The following SPTBN2 variants were observed in gnomAD, a reference collection of about 807,000 sequenced individuals.
SPTBN2 encodes spectrin beta, non-erythrocytic 2, also known as spectrin beta chain, non-erythrocytic 2.
SPTBN2 carries 107 observed loss-of-function variants against 284.2 expected under a neutral mutation model. The observed-to-expected ratio is 0.38, with a 90% confidence interval of 0.32 to 0.44. The LOEUF is 0.44. Among genes scored for constraint, SPTBN2 ranks in the 20% least tolerant of loss-of-function variants. The pLI, the probability that SPTBN2 is intolerant of heterozygous loss-of-function variation, is 1.00. For missense variants in SPTBN2, 2,569 were observed against 3,287.1 expected, an observed-to-expected ratio of 0.78 and a Z score of 5.34; for synonymous variants, 1,289 against 1,354.8, an observed-to-expected ratio of 0.95 and a Z score of 1.07.
chr11:66,688,148 C>T (rs748004113), intron 32 of SPTBN2, 21 bp downstream of exon 32: 2 of 1,613,478 alleles, frequency 1.2e-6, no homozygotes, highest in Non-Finnish European at 1.7e-6. Context: ...CCTCCTCCTA[C>T]CCAGGCATCC....
At chr11:66,705,920 G>T in intron 13 of SPTBN2, 83 bp from the exon 14 acceptor site, 1 of 1,539,966 alleles carries the variant, frequency 6.5e-7, no homozygotes, top group Non-Finnish European at 8.7e-7. Flanking sequence ...ACTTCTCCAC[G>T]GCCCCAGGTG....
At chr11:66,703,639 A>C (rs1941364986) in intron 15 of SPTBN2, among the ~76,000 whole-genome samples, 1 of 151,872 alleles carries the variant, frequency 6.6e-6, no homozygotes, top group Admixed American at 6.5e-5. Flanking sequence ...TGGGAGGCTG[A>C]GGCAGGAGAA....
At position 66,700,250 on chromosome 11, in the gene SPTBN2, T is replaced by C. The variant is rs1436483237; in HGVS notation, c.3573+276A>G. On this transcript the variant is annotated intron_variant, in intron 17 of 37. Transcript: ENST00000533211. The surrounding 1 kb of genome is among the most constrained non-coding windows in gnomAD (Gnocchi z 6.6). ...GAGTACAAGTGTGAGCCATCCTGTC[T>C]GGCTCCCATTTTTCTTTTTAAAAAA... Among the ~76,000 whole-genome samples, 1 of 152,144 alleles carries C rather than the reference T, an allele frequency of 6.6e-6. No homozygotes were observed. The highest frequency in any genetic ancestry group is 1.5e-5 in the Non-Finnish European group (1 of 68,028).
At chr11:66,690,326 A>C in intron 27 of SPTBN2, 43 bp from the exon 28 acceptor site, 1 of 1,535,808 alleles carries the variant, frequency 6.5e-7, no homozygotes, top group Non-Finnish European at 8.7e-7. Flanking sequence ...GGGGGACTCC[A>C]AGGAGCCGCA....
chr11:66,715,501 G>T lies in SPTBN2; in HGVS notation c.310-106C>A. On this transcript the variant is annotated intron_variant, in intron 4 of 37. Transcript: ENST00000533211. This position sits in a 1 kb window ranked among gnomAD's most constrained non-coding sequence, Gnocchi z 5.3. ...ACACCTTCCCCATGACCTACCTCAG[G>T]AACACAGACAGGCACAGCCCCAGGG... is the stretch of plus-strand genomic sequence containing the variant. 1 of 1,430,678 alleles carries T rather than the reference G, an allele frequency of 7.0e-7. No individual in the cohort carries two copies. The highest frequency in any genetic ancestry group is 9.4e-7 in the Non-Finnish European group (1 of 1,058,532). The allele number at this position is 1,430,678 out of a possible 1,614,324, so 88.6% of individuals were successfully genotyped here. A position where few individuals can be genotyped will look rare whatever the true frequency, so the allele number is the denominator to read the frequency against.
chr11:66,691,552 T>C lies in SPTBN2; in HGVS notation c.5297A>G (p.His1766Arg). The C allele has an allele frequency of 1.9e-6, 3 of 1,613,488 alleles. No homozygotes were observed. The highest frequency in any genetic ancestry group is 1.1e-5 in the South Asian group (1 of 91,088). The change falls in exon 27 of 38, where the codon CAT becomes CGT. Residue 1766 changes from histidine to arginine, a missense_variant. Physicochemically the swap from His to Arg is conservative, Grantham distance 29. Coordinates refer to ENST00000533211, the MANE Select transcript of SPTBN2 (RefSeq NM_006946.4). This position sits in a 1 kb window ranked among gnomAD's most constrained non-coding sequence, Gnocchi z 8.0. ...CTCGGCCACGGTGGCCCGTGCAGCA[T>C]GGCCCCCAGCAATGAGCCCATTGGC... ...ALANGLIAGGHAARATVAEWK... is the reference protein window; with the variant it reads ...ALANGLIAGGRAARATVAEWK...
chr11:66,694,249 C>A lies in SPTBN2; in HGVS notation c.4393G>T (p.Ala1465Ser). ...GAGEVERTSR[A>S]VEEKFRALCQ... is the part of the protein sequence containing the mutation. ...AAGGCCCTGAACTTCTCCTCCACGGCCCTCGAGGTTCTCTCCACCTCCCCT... is the reference window on the plus strand; with the variant it reads ...AAGGCCCTGAACTTCTCCTCCACGGACCTCGAGGTTCTCTCCACCTCCCCT... Residue 1465 changes from alanine (A) to serine (S), a missense_variant, in exon 22 of 38, where the codon GCC becomes TCC. By Grantham distance (99) the Ala-to-Ser change is moderately conservative. Transcript: ENST00000533211. The A allele has an allele frequency of 1.2e-6, 2 of 1,614,128 alleles. No individual in the cohort carries two copies. Among genetic ancestry groups the A allele is most frequent in the Non-Finnish European group, 1.7e-6 (2 of 1,180,032 alleles).
Position 66,687,641 on chromosome 11 carries a change from C to T in SPTBN2, c.6508G>A (p.Gly2170Ser). The change falls in exon 35 of 38, where the codon GGC becomes AGC. Residue 2170 changes from glycine (G) to serine (S), a missense_variant. Physicochemically the swap from Gly to Ser is moderately conservative, Grantham distance 56. Coordinates refer to ENST00000533211, the MANE Select transcript of SPTBN2 (RefSeq NM_006946.4). The surrounding 1 kb of genome is among the most constrained non-coding windows in gnomAD (Gnocchi z 5.2). The stretch of plus-strand genomic sequence containing the variant: ...GGCCCATTGGCTTCGTCCCCTGAGC[C>T]AGGTCCCTGGGGGGGAATCAGTGTC... ...HSSFPEGPGP[G>S]SGDEANGPRG... 6.3e-7 allele frequency: 1 copy of T among 1,594,912 alleles called. No individual in the cohort carries two copies. Among genetic ancestry groups the T allele is most frequent in the Non-Finnish European group, 8.5e-7 (1 of 1,170,636 alleles).
intron 26 of SPTBN2, among the ~76,000 whole-genome samples, chr11:66,692,221 C>T (rs1169445485): frequency 2.0e-5 from 3 of 152,112 alleles, no homozygotes; most frequent in East Asian, 1.9e-4. Flanking sequence ...CAGGCATGCA[C>T]GGCTGTGCCT....
chr11:66,724,431 AAAAG>A (rs1321210985), intron 1 of SPTBN2, among the ~76,000 whole-genome samples: 1 of 152,144 alleles, frequency 6.6e-6, no homozygotes, highest in Non-Finnish European at 1.5e-5. Flanking sequence ...CAGAAAAAAA[AAAAG>A]ACTGATTTGG....
chr11:66,685,694 G>A lies in SPTBN2; in HGVS notation c.*177C>T. 3.1e-6 allele frequency: 2 copies of A among 649,720 alleles called. No homozygotes were observed. The highest frequency in any genetic ancestry group is 5.5e-6 in the Non-Finnish European group (2 of 365,044). 40.2% of individuals were successfully genotyped at this position (649,720 alleles called of 1,614,324 possible). A position where few individuals can be genotyped will look rare whatever the true frequency, so the allele number is the denominator to read the frequency against. On this transcript the variant is annotated 3_prime_UTR_variant, in exon 38 of 38. Transcript: ENST00000533211. This position sits in a 1 kb window ranked among gnomAD's most constrained non-coding sequence, Gnocchi z 4.4. ...CAGTCTGGAATTAAACAGCAGAAGA[G>A]AAGGGCTGCCCTTGGGAACATGGAC...
In SPTBN2 at chr11:66,721,271, A is replaced by C; in HGVS notation, c.-22-9T>G. ...TAGGCGGCTTCCTGCTCCTGCAAGGAGAATGTGGCCAGTGAGGGGTGTCCA... is the reference window on the plus strand; with the variant it reads ...TAGGCGGCTTCCTGCTCCTGCAAGGCGAATGTGGCCAGTGAGGGGTGTCCA... On this transcript the variant is annotated splice_polypyrimidine_tract_variant and intron_variant, in intron 2 of 37. Transcript: ENST00000533211. 1 of 1,613,976 alleles carries C rather than the reference A, an allele frequency of 6.2e-7. No individual in the cohort carries two copies.
At position 66,700,741 on chromosome 11, in the gene SPTBN2, C is replaced by A; in HGVS notation, c.3358G>T (p.Glu1120Ter). The A allele has an allele frequency of 1.9e-6, 3 of 1,603,052 alleles. No homozygotes were observed. The highest frequency in any genetic ancestry group is 2.5e-6 in the Non-Finnish European group (3 of 1,179,782). Residue 1120 changes from glutamate to a stop codon, truncating the protein, a stop_gained, in exon 17 of 38, where the codon GAG becomes TAG. Transcript: ENST00000533211. LOFTEE classifies it high-confidence loss of function. The surrounding 1 kb of genome is among the most constrained non-coding windows in gnomAD (Gnocchi z 6.6). ...CCCAGGGCTCGCAGCCGGCTATACTCGCTCTGGGCCCGCTCCACCTCTCCC... is the reference window on the plus strand; with the variant it reads ...CCCAGGGCTCGCAGCCGGCTATACTAGCTCTGGGCCCGCTCCACCTCTCCC... ...LRGEVERAQS[E>*]YSRLRALGEE...
chr11:66,697,542 C>CA (rs1940990255), intron 20 of SPTBN2, among the ~76,000 whole-genome samples: 1 of 152,174 alleles, frequency 6.6e-6, no homozygotes, highest in African/African-American at 2.4e-5. Context: ...CCCAAACAGG[C>CA]ACTGCCTACC....
chr11:66,699,288 C>A, intron 18 of SPTBN2, 118 bp downstream of exon 18: 1 of 1,367,632 alleles, frequency 7.3e-7, no homozygotes, highest in Non-Finnish European at 1.0e-6. Flanking sequence ...TTCCCCTCTA[C>A]TTCTCTGTCA....
At position 66,685,831 on chromosome 11, in the gene SPTBN2, T is replaced by G; in HGVS notation, c.*40A>C. 6.3e-7 allele frequency: 1 copy of G among 1,597,614 alleles called. No individual in the cohort carries two copies. ...CTGTCGACTGTCCCTGGCAGTTTCC[T>G]GAACGGAGGGAGGGAGTTGGCCTGG... On this transcript the variant is annotated 3_prime_UTR_variant, in exon 38 of 38. Coordinates refer to ENST00000533211, the MANE Select transcript of SPTBN2 (RefSeq NM_006946.4). The surrounding 1 kb of genome is among the most constrained non-coding windows in gnomAD (Gnocchi z 4.4).
rs1449168038 is a variant in SPTBN2, at chr11:66,687,892, C to T, written c.6477G>A (p.Glu2159=). ...CCGGCCCTTCGGGGAAGCTGCTGTG[C>T]TCAAGTCTCTGTTGTCCCAGCAGGG... ...SQPLLGQQRL[E]HSSFPEGPGP... Residue 2159 remains glutamate (E), a synonymous_variant, in exon 34 of 38, where the codon GAG becomes GAA. Coordinates refer to ENST00000533211, the MANE Select transcript of SPTBN2 (RefSeq NM_006946.4). The surrounding 1 kb of genome is among the most constrained non-coding windows in gnomAD (Gnocchi z 5.2). 6.2e-7 allele frequency: 1 copy of T among 1,614,154 alleles called. No homozygotes were observed. The highest frequency in any genetic ancestry group is 1.1e-5 in the South Asian group (1 of 91,084).
Position 66,710,809 on chromosome 11 carries a change from AG to A in SPTBN2, c.886-41del, listed in dbSNP as rs1365666291. 1 of 1,612,630 alleles carries A rather than the reference AG, an allele frequency of 6.2e-7. No individual in the cohort carries two copies. The highest frequency in any genetic ancestry group is 8.5e-7 in the Non-Finnish European group (1 of 1,179,606). On this transcript the variant is annotated intron_variant, in intron 9 of 37. Transcript: ENST00000533211. The surrounding 1 kb of genome is among the most constrained non-coding windows in gnomAD (Gnocchi z 4.9). Reference sequence around the variant, plus strand: ...ACAGGGACGTGACAGTCCCAGCCACAGGGTCCCTGGCCCAGTCCTGCAGCTC... The same window carrying A: ...ACAGGGACGTGACAGTCCCAGCCACAGGTCCCTGGCCCAGTCCTGCAGCTC...
intron 21 of SPTBN2, among the ~76,000 whole-genome samples, chr11:66,696,070 G>A (rs920085880): frequency 2.4e-4 from 36 of 152,226 alleles, no homozygotes; most frequent in African/African-American, 6.5e-4. Flanking sequence ...AGTTCTCATC[G>A]TCAAATTATT....
Sources: gnomAD v4.1 joint callset for allele counts (sites outside exome capture counted in the v4.1 genomes callset) on GRCh38, gnomAD v4.1.1 for gene constraint, Gnocchi (gnomAD v3.1) non-coding constraint, MANE v1.5 for transcripts, NCBI Gene and HGNC (gene_info 2026-07-23, HGNC 2026-07-21) for gene names.